Variants in PCDHGB1 observed in about 807,000 individuals in gnomAD.
PCDHGB1 encodes the protein protocadherin gamma subfamily B, 1.
A neutral mutation model predicts 56.6 loss-of-function variants in PCDHGB1; 34 were observed. The observed-to-expected ratio is 0.60, with a 90% CI of 0.46 to 0.80. PCDHGB1 has a LOEUF of 0.80. Ranked by LOEUF, PCDHGB1 falls within the 30% of genes least tolerant of loss-of-function variation. PCDHGB1 has a pLI of 0.00. For synonymous variants in PCDHGB1, 561 were observed against 505.9 expected, an observed-to-expected ratio of 1.11 and a Z score of -1.46; for missense variants, 1,278 against 1,204.6, an observed-to-expected ratio of 1.06 and a Z score of -0.90.
intron 1 of PCDHGB1, chr5:141,415,523 T>G (rs1245542927): frequency 1.9e-6 from 3 of 1,614,196 alleles, no homozygotes; most frequent in Non-Finnish European, 2.5e-6. Context: ...GCGGACACGC[T>G]CATCAGCCAG....
intron 1 of PCDHGB1, among the ~76,000 whole-genome samples, chr5:141,446,747 G>T (rs997132200): frequency 3.9e-5 from 6 of 152,190 alleles, no homozygotes; most frequent in Non-Finnish European, 8.8e-5. Context: ...GATTACAGGC[G>T]TGAGCCACCG....
intron 1 of PCDHGB1, among the ~76,000 whole-genome samples, chr5:141,382,012 A>G (rs1777864214): frequency 6.6e-6 from 1 of 151,520 alleles, no homozygotes; most frequent in Admixed American, 6.6e-5. Flanking sequence ...TATTTTTAGT[A>G]GAGACGGGGT....
rs199877605 is a variant in PCDHGB1 at position 141,421,311 on chromosome 5, G to A, written c.2409+68642G>A. The A allele has an allele frequency of 9.5e-5, 154 of 1,613,788 alleles. No individual in the cohort carries two copies. The African/African-American group carries it at 1.9e-3, about 20-fold the overall frequency. On this transcript the variant is annotated intron_variant, in intron 1 of 3. Coordinates refer to ENST00000523390, the MANE Select transcript of PCDHGB1 (RefSeq NM_018922.3). ...TCCTGGGGACGCTGCGGGGGTTCCG[G>A]GCCAGGCAGATCCGATATTCGGTGC... is the stretch of plus-strand genomic sequence containing the variant.
At chr5:141,384,205 ACT>A (rs1561601043) in intron 1 of PCDHGB1, 2 of 1,613,874 alleles carry the variant, frequency 1.2e-6, no homozygotes, top group East Asian at 2.2e-5. Context: ...GTCCAGGGAA[ACT>A]CACATATTCA....
rs774153595 is a variant in PCDHGB1 at position 141,366,148 on chromosome 5, C to A, written c.2409+13479C>A. ...CAGGCCAGAACGCCTGGCTGTCCTA[C>A]CGCCTGCTTAAGGCCAGCGAGCCAG... On this transcript the variant is annotated intron_variant, in intron 1 of 3. Coordinates refer to ENST00000523390, the MANE Select transcript of PCDHGB1 (RefSeq NM_018922.3). 1.9e-6 allele frequency: 3 copies of A among 1,614,172 alleles called. No individual in the cohort carries two copies. The South Asian group carries it at 3.3e-5, about 18-fold the overall frequency.
intron 1 of PCDHGB1, chr5:141,408,883 C>A: frequency 6.2e-7 from 1 of 1,613,462 alleles, no homozygotes; most frequent in Non-Finnish European, 8.5e-7. Flanking sequence ...CCACCGCTCA[C>A]ATAGAAATTT....
In PCDHGB1 at chr5:141,386,511, T is replaced by C. The variant is rs558161782; in HGVS notation, c.2409+33842T>C. Among the ~76,000 whole-genome samples the C allele has an allele frequency of 2.0e-4, 3 of 15,264 alleles. No homozygotes were observed. The East Asian group carries it at 5.2e-3, about 27-fold the overall frequency. 10.0% of individuals were successfully genotyped at this position (15,264 alleles called of 152,430 possible). ...GATAATATAACAAGACTCTGTCTCTTCAAAAAAAGACTCTTTTTAGACTAG... is the reference window on the plus strand; with the variant it reads ...GATAATATAACAAGACTCTGTCTCTCCAAAAAAAGACTCTTTTTAGACTAG... On this transcript the variant is annotated intron_variant, in intron 1 of 3. Coordinates refer to ENST00000523390, the MANE Select transcript of PCDHGB1 (RefSeq NM_018922.3).
At chr5:141,376,105 C>T in intron 1 of PCDHGB1, 4 of 1,613,734 alleles carry the variant, frequency 2.5e-6, no homozygotes, top group Non-Finnish European at 2.5e-6. Flanking sequence ...TCCTGGCCGA[C>T]CTGGGCAGCC....
intron 1 of PCDHGB1, chr5:141,390,418 A>C (rs2092141411): frequency 9.1e-7 from 1 of 1,099,654 alleles, no homozygotes; most frequent in African/African-American, 1.6e-5. Context: ...TAGTCAGTTA[A>C]AAAGCTGTCA....
chr5:141,381,153 G>A (rs1345573365), intron 1 of PCDHGB1, among the ~76,000 whole-genome samples: 3 of 152,196 alleles, frequency 2.0e-5, no homozygotes, highest in Non-Finnish European at 4.4e-5. Context: ...GCAGAAATAG[G>A]TTACTTAGGA....
chr5:141,511,117 G>A lies in PCDHGB1; in HGVS notation c.2728G>A (p.Ala910Thr). Residue 910 changes from alanine to threonine, a missense_variant, in exon 4 of 4, where the codon GCC becomes ACC. Physicochemically the swap from Ala to Thr is moderately conservative, Grantham distance 58. Coordinates refer to ENST00000523390, the MANE Select transcript of PCDHGB1 (RefSeq NM_018922.3). ...TNAAGKRDGK[A>T]PAGGNGNKKK... ...CGCAGCTGGCAAGCGGGATGGCAAG[G>A]CCCCAGCAGGTGGCAATGGCAACAA... 6.2e-7 allele frequency: 1 copy of A among 1,614,216 alleles called. No homozygotes were observed. Among genetic ancestry groups the A allele is most frequent in the Non-Finnish European group, 8.5e-7 (1 of 1,180,026 alleles).
chr5:141,355,866 C>T (rs770899476), intron 1 of PCDHGB1: 1 of 1,612,878 alleles, frequency 6.2e-7, no homozygotes, highest in Admixed American at 1.7e-5. Context: ...ACCCGGTTCG[C>T]TCTGGCACTG....
chr5:141,447,650 TC>T (rs1036312126), intron 1 of PCDHGB1, among the ~76,000 whole-genome samples: 1 of 151,988 alleles, frequency 6.6e-6, no homozygotes, highest in Non-Finnish European at 1.5e-5. Context: ...GGTAGAATTT[TC>T]CCCCCCAGGA....
intron 1 of PCDHGB1, chr5:141,372,771 A>G: frequency 6.2e-7 from 1 of 1,610,980 alleles, no homozygotes. Context: ...AAGTAATGAC[A>G]ATCCAGAAAT....
At chr5:141,386,678 G>T (rs1376452903) in intron 1 of PCDHGB1, among the ~76,000 whole-genome samples, 2 of 152,012 alleles carry the variant, frequency 1.3e-5, no homozygotes, top group African/African-American at 4.8e-5. Context: ...CATTTCAGAT[G>T]TACAATCACT....
At chr5:141,357,171 C>A (rs1043830490) in intron 1 of PCDHGB1, 1 of 1,613,704 alleles carries the variant, frequency 6.2e-7, no homozygotes. Context: ...TCTCGGCCAC[C>A]GTCACACTCA....
Position 141,352,474 on chromosome 5 carries a change from C to T in PCDHGB1, c.2214C>T (p.Asn738=), listed in dbSNP as rs780587821. 6.2e-7 allele frequency: 1 copy of T among 1,614,008 alleles called. No individual in the cohort carries two copies. The highest frequency in any genetic ancestry group is 8.5e-7 in the Non-Finnish European group (1 of 1,179,888). ...CSKSGPGVPP[N]HSEGTLPYSY... ...AGTCTGGGCCCGGGGTTCCTCCCAA[C>T]CACAGCGAGGGGACTTTGCCCTATT... The change falls in exon 1 of 4, where the codon AAC becomes AAT. Residue 738 remains asparagine, a synonymous_variant. Coordinates refer to ENST00000523390, the MANE Select transcript of PCDHGB1 (RefSeq NM_018922.3).
intron 1 of PCDHGB1, chr5:141,366,288 C>T (rs1020562585): frequency 6.2e-7 from 1 of 1,613,748 alleles, no homozygotes; most frequent in Non-Finnish European, 8.5e-7. Flanking sequence ...GGCCAGCCCC[C>T]TCTGTCAGCC....
intron 1 of PCDHGB1, chr5:141,423,975 A>T: frequency 8.9e-7 from 1 of 1,126,024 alleles, no homozygotes; most frequent in Non-Finnish European, 1.1e-6. Flanking sequence ...TTATCAGTGT[A>T]TGAGGCTCTC....
Sources: gnomAD v4.1 joint callset for allele counts (sites outside exome capture counted in the v4.1 genomes callset) on GRCh38, gnomAD v4.1.1 for gene constraint, MANE v1.5 for transcripts, NCBI Gene and HGNC (gene_info 2026-07-23, HGNC 2026-07-21) for gene names.